KYNU: variants seen among roughly 807,000 people sequenced by gnomAD.
KYNU encodes the protein kynureninase, also known as L-kynurenine hydrolase.
Under a neutral mutation model 59.2 loss-of-function variants are expected in KYNU, and 54 were observed. That is an observed-to-expected ratio of 0.91 (90% CI 0.73 to 1.14). KYNU has a LOEUF of 1.14. Among genes scored for constraint, KYNU ranks in the 50% most tolerant of loss-of-function variants. KYNU has a pLI of 0.00. For synonymous variants in KYNU, 177 were observed against 192.0 expected, an observed-to-expected ratio of 0.92 and a Z score of 0.65; for missense variants, 567 against 554.4, an observed-to-expected ratio of 1.02 and a Z score of -0.23.
intron 10 of KYNU, among the ~76,000 whole-genome samples, chr2:143,018,400 C>G (rs898150890): frequency 6.6e-6 from 1 of 152,142 alleles, no homozygotes; most frequent in African/African-American, 2.4e-5. Flanking sequence ...AGTAGGGAGT[C>G]CTTTTCCGAT....
At chr2:142,913,359 G>A (rs1682568573) in intron 2 of KYNU, among the ~76,000 whole-genome samples, 1 of 152,068 alleles carries the variant, frequency 6.6e-6, no homozygotes, top group South Asian at 2.1e-4. Flanking sequence ...TACTGTGTTT[G>A]CTGCATCTCA....
In KYNU at chr2:143,029,717, T is replaced by C. The variant is rs925309159; in HGVS notation, c.955+38T>C. On this transcript the variant is annotated intron_variant, in intron 11 of 13. Coordinates refer to ENST00000264170, the MANE Select transcript of KYNU (RefSeq NM_003937.3). ...ATTTTACCTAATGCCATTTTTATTTTAACTTTATTTCAATGTTCATCTGTC... is the reference window on the plus strand; with the variant it reads ...ATTTTACCTAATGCCATTTTTATTTCAACTTTATTTCAATGTTCATCTGTC... 8 of 1,159,334 alleles carry C rather than the reference T, an allele frequency of 6.9e-6. No homozygotes were observed. The African/African-American group carries it at 1.2e-4, about 18-fold the overall frequency. 71.8% of individuals were successfully genotyped at this position (1,159,334 alleles called of 1,614,324 possible). A position where few individuals can be genotyped will look rare whatever the true frequency, so the allele number is the denominator to read the frequency against.
At chr2:142,915,803 G>C (rs190557561) in intron 2 of KYNU, among the ~76,000 whole-genome samples, 184 of 152,280 alleles carry the variant, frequency 1.2e-3, no homozygotes, top group Middle Eastern at 3.4e-3. Flanking sequence ...TAAGCAGAGT[G>C]CTATGGGTTG....
chr2:142,881,916 C>CTTTTTTTTTTTTTTT (rs869099302), intron 1 of KYNU, among the ~76,000 whole-genome samples: 1 of 113,172 alleles, frequency 8.8e-6, no homozygotes, highest in Non-Finnish European at 1.8e-5. Context: ...TTTCTTTTTT[C>CTTTTTTTTTTTTTTT]TTTTTTTTTT....
At chr2:142,965,391 T>C (rs1684494397) in intron 8 of KYNU, among the ~76,000 whole-genome samples, 2 of 152,286 alleles carry the variant, frequency 1.3e-5, no homozygotes, top group South Asian at 2.1e-4. Flanking sequence ...AAGAAACAAA[T>C]GTTAACCTTG....
intron 10 of KYNU, chr2:142,989,292 T>G: frequency 3.9e-6 from 3 of 766,998 alleles, no homozygotes; most frequent in Non-Finnish European, 4.9e-6. Context: ...ATTAGCTGGT[T>G]TAACTATGTT....
intron 8 of KYNU, chr2:142,964,824 G>C (rs897378703): frequency 6.6e-6 from 1 of 152,154 alleles, no homozygotes; most frequent in Admixed American, 6.6e-5. Flanking sequence ...TGTAGCAAGT[G>C]GGGGAGGCCA....
intron 8 of KYNU, among the ~76,000 whole-genome samples, chr2:142,983,076 T>G (rs1435284113): frequency 1.3e-5 from 2 of 152,092 alleles, no homozygotes; most frequent in Non-Finnish European, 2.9e-5. Flanking sequence ...ATGGATCACC[T>G]TGGCATCAGA....
chr2:142,913,166 CT>C (rs1242232406), intron 2 of KYNU, among the ~76,000 whole-genome samples: 4 of 151,998 alleles, frequency 2.6e-5, no homozygotes, highest in African/African-American at 4.8e-5. Flanking sequence ...TTCATTGATC[CT>C]TTTTATGAAT....
intron 1 of KYNU, among the ~76,000 whole-genome samples, chr2:142,880,449 T>C (rs73002098): frequency 0.027 from 4,070 of 152,340 alleles, 114 homozygotes; most frequent in East Asian, 0.072. Flanking sequence ...TAAGTGACTC[T>C]TACTTGCTGC....
intron 2 of KYNU, among the ~76,000 whole-genome samples, chr2:142,914,024 G>A (rs1037648686): frequency 6.6e-6 from 1 of 152,200 alleles, no homozygotes; most frequent in African/African-American, 2.4e-5. Flanking sequence ...AGCTTCTACT[G>A]GGGCTATGGC....
At chr2:142,932,069 G>A (rs1283989011) in intron 4 of KYNU, among the ~76,000 whole-genome samples, 2 of 152,132 alleles carry the variant, frequency 1.3e-5, no homozygotes, top group Admixed American at 6.6e-5. Context: ...AGGCTTGGTC[G>A]GTAGGAAAAG....
intron 4 of KYNU, among the ~76,000 whole-genome samples, chr2:142,952,655 T>C (rs1258455300): frequency 6.6e-6 from 1 of 152,130 alleles, no homozygotes; most frequent in East Asian, 1.9e-4. Flanking sequence ...CCCAGGCCCA[T>C]CTTGAACACT....
At chr2:142,921,329 G>C (rs1294539737) in intron 3 of KYNU, among the ~76,000 whole-genome samples, 4 of 152,194 alleles carry the variant, frequency 2.6e-5, no homozygotes, top group Admixed American at 1.3e-4. Flanking sequence ...CTACCTCTGA[G>C]GATGGGTCAG....
chr2:142,981,687 T>C (rs1685056660), intron 8 of KYNU, among the ~76,000 whole-genome samples: 2 of 152,196 alleles, frequency 1.3e-5, no homozygotes, highest in Admixed American at 6.5e-5. Flanking sequence ...TAATCTCCCT[T>C]CCTCCCTCAA....
Position 143,053,542 on chromosome 2 carries a change from C to T in KYNU, c.*11370C>T, listed in dbSNP as rs779532349. 9 of 152,146 alleles carry T rather than the reference C, an allele frequency of 5.9e-5. No individual in the cohort carries two copies. Among genetic ancestry groups the T allele is most frequent in the Non-Finnish European group, 1.2e-4 (8 of 68,050 alleles). The allele number at this position is 152,146 out of a possible 1,614,324, so 9.4% of individuals were successfully genotyped here. ...ATTTCTATGTGTTTGGAGAGGTACC[C>T]GGTGGGAGGTAATTGAATCATGAGG... On this transcript the variant is annotated 3_prime_UTR_variant, in exon 14 of 14. Coordinates refer to ENST00000264170, the MANE Select transcript of KYNU (RefSeq NM_003937.3).
rs771373782 is a variant in KYNU at position 142,960,726 on chromosome 2, C to A, written c.685C>A (p.Gln229Lys). ...CAGTGGGGTGCATTTTTACACTGGACAGCACTTTAATATTCCTGCCATCAC... is the reference window on the plus strand; with the variant it reads ...CAGTGGGGTGCATTTTTACACTGGAAAGCACTTTAATATTCCTGCCATCAC... ...LFSGVHFYTG[Q>K]HFNIPAITKA... Residue 229 changes from glutamine (Q) to lysine (K), a missense_variant, in exon 8 of 14, where the codon CAG becomes AAG. Transcript: ENST00000264170. The A allele has an allele frequency of 6.2e-7, 1 of 1,613,922 alleles. No homozygotes were observed.
chr2:142,967,457 C>G (rs750973534), intron 8 of KYNU: 1 of 152,074 alleles, frequency 6.6e-6, no homozygotes, highest in Non-Finnish European at 1.5e-5. Context: ...TAGACTCAAT[C>G]ATAAGCTGTT....
chr2:142,950,778 C>T (rs376186754), intron 4 of KYNU, among the ~76,000 whole-genome samples: 6 of 152,194 alleles, frequency 3.9e-5, no homozygotes, highest in East Asian at 1.9e-4. Context: ...CTGTTTGGCA[C>T]AAGAGACCTA....
Sources: gnomAD v4.1 joint callset for allele counts (sites outside exome capture counted in the v4.1 genomes callset) on GRCh38, gnomAD v4.1.1 for gene constraint, MANE v1.5 for transcripts, NCBI Gene and HGNC (gene_info 2026-07-23, HGNC 2026-07-21) for gene names.